The following EPB41L4B variants were observed in gnomAD, a reference collection of about 807,000 sequenced individuals.
EPB41L4B encodes erythrocyte membrane protein band 4.1 like 4B.
Under a neutral mutation model 112.5 loss-of-function variants are expected in EPB41L4B, and 30 were observed. The observed-to-expected ratio is 0.27, with a 90% CI of 0.20 to 0.36. The LOEUF (loss-of-function observed/expected upper bound fraction) is 0.36. EPB41L4B is among the 10% of genes least tolerant of loss of function. The pLI is 1.00. For synonymous variants in EPB41L4B, 408 were observed against 439.7 expected, an observed-to-expected ratio of 0.93 and a Z score of 0.90; for missense variants, 1,024 against 1,133.3, an observed-to-expected ratio of 0.90 and a Z score of 1.38.
intron 24 of EPB41L4B, among the ~76,000 whole-genome samples, chr9:109,180,823 G>A (rs1365458344): frequency 6.6e-6 from 1 of 152,164 alleles, no homozygotes; most frequent in Non-Finnish European, 1.5e-5. Flanking sequence ...TTCCCGGGAG[G>A]AGGACAGAGT....
intron 5 of EPB41L4B, among the ~76,000 whole-genome samples, chr9:109,264,101 A>G (rs1189203556): frequency 1.3e-5 from 2 of 152,112 alleles, no homozygotes; most frequent in Non-Finnish European, 2.9e-5. Flanking sequence ...TAATACACAC[A>G]CCAACCAAAG....
intron 15 of EPB41L4B, among the ~76,000 whole-genome samples, chr9:109,218,400 A>G (rs1236640202): frequency 1.3e-5 from 2 of 152,090 alleles, no homozygotes; most frequent in African/African-American, 4.8e-5. Flanking sequence ...TGCTGGGATT[A>G]CAGGCATGAA....
chr9:109,278,773 G>C (rs1408195261), intron 2 of EPB41L4B, among the ~76,000 whole-genome samples: 4 of 152,156 alleles, frequency 2.6e-5, no homozygotes, highest in Non-Finnish European at 5.9e-5. Flanking sequence ...GCTCAGCACA[G>C]GGCCCAGTGC....
At chr9:109,284,355 A>G (rs990641585) in intron 1 of EPB41L4B, among the ~76,000 whole-genome samples, 3 of 152,210 alleles carry the variant, frequency 2.0e-5, no homozygotes, top group Non-Finnish European at 4.4e-5. Context: ...AACCACTGTA[A>G]ATTGGAAACC....
chr9:109,303,488 G>A (rs1304746453), intron 1 of EPB41L4B, among the ~76,000 whole-genome samples: 1 of 152,144 alleles, frequency 6.6e-6, no homozygotes, highest in Admixed American at 6.5e-5. Context: ...TGGGATTACA[G>A]GTGCACGCCA....
intron 1 of EPB41L4B, among the ~76,000 whole-genome samples, chr9:109,303,350 G>T (rs1051666615): frequency 1.9e-4 from 29 of 151,620 alleles, no homozygotes; most frequent in African/African-American, 6.3e-4. Flanking sequence ...GGTTTCTTTT[G>T]GGGGGCGGGT....
chr9:109,319,223 T>G (rs917966568), intron 1 of EPB41L4B, among the ~76,000 whole-genome samples: 2 of 152,142 alleles, frequency 1.3e-5, no homozygotes, highest in African/African-American at 4.8e-5. Flanking sequence ...GAAGACTCAC[T>G]GGTAACTGGA....
chr9:109,237,344 T>C (rs1405035125), intron 15 of EPB41L4B, among the ~76,000 whole-genome samples: 2 of 152,204 alleles, frequency 1.3e-5, no homozygotes, highest in African/African-American at 2.4e-5. Context: ...AAATGACAAC[T>C]GTCAATACAC....
chr9:109,241,122 C>A, intron 15 of EPB41L4B: 1 of 985,730 alleles, frequency 1.0e-6, no homozygotes, highest in Non-Finnish European at 1.2e-6. Context: ...ATGTCCTCAA[C>A]CTAAACAAAA....
intron 23 of EPB41L4B, among the ~76,000 whole-genome samples, chr9:109,184,063 G>T (rs569444404): frequency 5.3e-5 from 8 of 152,298 alleles, no homozygotes; most frequent in African/African-American, 1.7e-4. Flanking sequence ...TTGCCTTTTT[G>T]ACTCAGGTGA....
rs1831706264 is a variant in EPB41L4B, at chr9:109,173,627, A to G, written c.*927T>C. On this transcript the variant is annotated 3_prime_UTR_variant, in exon 26 of 26. Transcript: ENST00000374566. The stretch of plus-strand genomic sequence containing the variant: ...GAGAATGTACACAACGATCATAGCT[A>G]TGTAAAAATATGTGTGTATTCATTG... 1 of 152,644 alleles carries G rather than the reference A, an allele frequency of 6.6e-6. No individual in the cohort carries two copies. The highest frequency in any genetic ancestry group is 2.1e-4 in the South Asian group (1 of 4,828). 9.5% of individuals were successfully genotyped at this position (152,644 alleles called of 1,614,324 possible). A position where few individuals can be genotyped will look rare whatever the true frequency, so the allele number is the denominator to read the frequency against.
chr9:109,256,311 C>A (rs1026425914), intron 8 of EPB41L4B, 82 bp downstream of exon 8: 10 of 1,588,562 alleles, frequency 6.3e-6, no homozygotes, highest in Non-Finnish European at 8.6e-6. Context: ...GTTTCCTCAC[C>A]ACAAGTTATT....
chr9:109,234,522 T>C (rs1035511719), intron 15 of EPB41L4B, among the ~76,000 whole-genome samples: 1 of 152,210 alleles, frequency 6.6e-6, no homozygotes. Context: ...AAAGTAACTT[T>C]TGGCTATTTG....
chr9:109,224,295 C>T (rs1372494754), intron 15 of EPB41L4B, among the ~76,000 whole-genome samples: 2 of 152,114 alleles, frequency 1.3e-5, no homozygotes, highest in Non-Finnish European at 1.5e-5. Flanking sequence ...CCCAAATATC[C>T]ATCAACTGAT....
At chr9:109,226,358 C>G (rs1833757970) in intron 15 of EPB41L4B, among the ~76,000 whole-genome samples, 1 of 152,062 alleles carries the variant, frequency 6.6e-6, no homozygotes, top group Non-Finnish European at 1.5e-5. Context: ...TGTCTTCCTG[C>G]TACCTTAGCT....
At chr9:109,277,337 GGACA>G (rs1031017761) in intron 2 of EPB41L4B, among the ~76,000 whole-genome samples, 4 of 147,336 alleles carry the variant, frequency 2.7e-5, no homozygotes, top group Non-Finnish European at 6.0e-5. Flanking sequence ...AAAAAAAGAT[GGACA>G]GACAGAATCG....
At chr9:109,264,026 GGAGAGAGAGAGGTA>G (rs980325036) in intron 5 of EPB41L4B, among the ~76,000 whole-genome samples, 4 of 151,552 alleles carry the variant, frequency 2.6e-5, no homozygotes, top group African/African-American at 4.9e-5. Context: ...AGCACAGTAT[GGAGAGAGAGAGGTA>G]GAGAGAGAGA....
At position 109,315,271 on chromosome 9, in the gene EPB41L4B, G is replaced by GC. The variant is rs201753091; in HGVS notation, c.306+4869dup. Among the ~76,000 whole-genome samples the GC allele has an allele frequency of 9.7e-3, 1,480 of 152,208 alleles. 25 individuals carry two copies. The highest frequency in any genetic ancestry group is 0.035 in the African/African-American group (1,441 of 41,534). On this transcript the variant is annotated intron_variant, in intron 1 of 25. Coordinates refer to ENST00000374566, the MANE Select transcript of EPB41L4B (RefSeq NM_019114.5). ...GTTCTAGGGCCAGGGTTTTTCACTG[G>GC]CTGTGAAGAGACCACCTGCATCAGA... is the stretch of plus-strand genomic sequence containing the variant.
intron 1 of EPB41L4B, among the ~76,000 whole-genome samples, chr9:109,310,040 G>A (rs1395101334): frequency 6.6e-6 from 1 of 152,180 alleles, no homozygotes; most frequent in Non-Finnish European, 1.5e-5. Flanking sequence ...CCTGGCACAT[G>A]TACACCAGAG....
Sources: gnomAD v4.1 joint callset for allele counts (sites outside exome capture counted in the v4.1 genomes callset) on GRCh38, gnomAD v4.1.1 for gene constraint, MANE v1.5 for transcripts, NCBI Gene and HGNC (gene_info 2026-07-23, HGNC 2026-07-21) for gene names.